DOK6: variants seen among roughly 807,000 people sequenced by gnomAD.
DOK6 encodes the protein downstream of tyrosine kinase 6.
A neutral mutation model predicts 44.0 loss-of-function variants in DOK6; 22 were observed. The observed-to-expected ratio is 0.50, with a 90% CI of 0.36 to 0.71. DOK6 has a LOEUF of 0.71. Among genes scored for constraint, DOK6 ranks in the 30% least tolerant of loss-of-function variants. DOK6 has a pLI of 0.00. For missense variants in DOK6, 340 were observed against 416.4 expected, an observed-to-expected ratio of 0.82 and a Z score of 1.60; for synonymous variants, 166 against 145.5, an observed-to-expected ratio of 1.14 and a Z score of -1.01.
chr18:69,615,227 A>G (rs1984258166), intron 3 of DOK6, among the ~76,000 whole-genome samples: 1 of 152,228 alleles, frequency 6.6e-6, no homozygotes, highest in South Asian at 2.1e-4. Context: ...AGGGTATGAC[A>G]TTAGAAAAAT....
At chr18:69,630,353 A>T (rs1984661738) in intron 3 of DOK6, among the ~76,000 whole-genome samples, 1 of 152,014 alleles carries the variant, frequency 6.6e-6, no homozygotes. Context: ...CCTTGGAATT[A>T]AAAAAAAGGA....
At chr18:69,401,379 GCA>G in intron 1 of DOK6, 69 bp downstream of exon 1, 1 of 1,362,366 alleles carries the variant, frequency 7.3e-7, no homozygotes, top group Non-Finnish European at 9.7e-7. Flanking sequence ...TGGGGGGGGG[GCA>G]GGGAGAGGTG....
intron 3 of DOK6, among the ~76,000 whole-genome samples, chr18:69,646,358 G>A (rs1028374598): frequency 2.6e-5 from 4 of 152,046 alleles, no homozygotes; most frequent in African/African-American, 7.2e-5. Context: ...GCAGTTGCTT[G>A]TTTGAGAGTA....
At chr18:69,524,622 T>C (rs1276195600) in intron 1 of DOK6, among the ~76,000 whole-genome samples, 1 of 151,984 alleles carries the variant, frequency 6.6e-6, no homozygotes, top group Non-Finnish European at 1.5e-5. Context: ...TTCAGACCAT[T>C]CCGAACATTA....
intron 3 of DOK6, among the ~76,000 whole-genome samples, chr18:69,659,468 T>C (rs565595956): frequency 1.3e-5 from 2 of 152,314 alleles, no homozygotes; most frequent in South Asian, 2.1e-4. Context: ...TTCATTCTGT[T>C]TGTATTTAGG....
At chr18:69,455,277 G>A (rs1979603020) in intron 1 of DOK6, among the ~76,000 whole-genome samples, 1 of 152,030 alleles carries the variant, frequency 6.6e-6, no homozygotes, top group Admixed American at 6.6e-5. Flanking sequence ...TAACTAGTAG[G>A]TATGCTTCTA....
intron 3 of DOK6, among the ~76,000 whole-genome samples, chr18:69,646,148 G>A (rs1160543136): frequency 6.6e-6 from 1 of 152,084 alleles, no homozygotes; most frequent in Non-Finnish European, 1.5e-5. Flanking sequence ...ATGTAGATTT[G>A]AGTTCCTTGA....
intron 1 of DOK6, 67 bp downstream of exon 1, chr18:69,401,377 G>A: frequency 1.4e-6 from 2 of 1,420,320 alleles, no homozygotes; most frequent in Non-Finnish European, 1.9e-6. Context: ...CCTGGGGGGG[G>A]GGCAGGGAGA....
At chr18:69,561,890 A>C (rs113345680) in intron 1 of DOK6, among the ~76,000 whole-genome samples, 1,880 of 152,292 alleles carry the variant, frequency 0.012, 44 homozygotes, top group African/African-American at 0.041. Context: ...GCACACTTCA[A>C]AGGAATTATA....
chr18:69,647,783 C>T (rs1360392125), intron 3 of DOK6, among the ~76,000 whole-genome samples: 1 of 152,024 alleles, frequency 6.6e-6, no homozygotes, highest in African/African-American at 2.4e-5. Context: ...AAAATGAAAT[C>T]CCATAGAGCA....
intron 3 of DOK6, among the ~76,000 whole-genome samples, chr18:69,654,659 A>T (rs1464413782): frequency 6.6e-6 from 1 of 152,224 alleles, no homozygotes; most frequent in Non-Finnish European, 1.5e-5. Flanking sequence ...TTGCATAATA[A>T]AAGAATTCCA....
chr18:69,779,846 C>A lies in DOK6; in HGVS notation c.856+21973C>A, dbSNP rs144408518. On this transcript the variant is annotated intron_variant, in intron 7 of 7. Coordinates refer to ENST00000382713, the MANE Select transcript of DOK6 (RefSeq NM_152721.6). ...TATTGATCATGCAACACCTCTGATGCCCTTCAAACCTGGACTTACCCTTTT... is the reference window on the plus strand; with the variant it reads ...TATTGATCATGCAACACCTCTGATGACCTTCAAACCTGGACTTACCCTTTT... Among the ~76,000 whole-genome samples, 273 of 151,954 alleles carry A rather than the reference C, an allele frequency of 1.8e-3. 1 individual carries two copies. Among genetic ancestry groups the A allele is most frequent in the African/African-American group, 6.2e-3 (259 of 41,470 alleles).
intron 7 of DOK6, among the ~76,000 whole-genome samples, chr18:69,760,971 C>T (rs562723364): frequency 6.5e-4 from 75 of 115,096 alleles, no homozygotes; most frequent in African/African-American, 2.7e-3. Flanking sequence ...TACTGGGAAG[C>T]TGCTGATCAG....
intron 2 of DOK6, among the ~76,000 whole-genome samples, chr18:69,582,099 G>A (rs1983384430): frequency 6.6e-6 from 1 of 152,198 alleles, no homozygotes; most frequent in Admixed American, 6.5e-5. Flanking sequence ...GGGTCAGCTA[G>A]TAAAAAATGT....
At chr18:69,644,117 T>C (rs1413264545) in intron 3 of DOK6, among the ~76,000 whole-genome samples, 2 of 152,190 alleles carry the variant, frequency 1.3e-5, no homozygotes, top group East Asian at 1.9e-4. Flanking sequence ...ATTTTTACTA[T>C]TGATGTTGGA....
At position 69,711,919 on chromosome 18, in the gene DOK6, T is replaced by C. The variant is rs972543604; in HGVS notation, c.599+13326T>C. ...TTTTAGGTACTTGTCTTTTTCCTTA[T>C]AGTCACCCTAAAAAACTCAAAATAA... On this transcript the variant is annotated intron_variant, in intron 5 of 7. Coordinates refer to ENST00000382713, the MANE Select transcript of DOK6 (RefSeq NM_152721.6). 4.6e-5 allele frequency among the ~76,000 whole-genome samples: 7 copies of C among 152,300 alleles called. 1 individual carries two copies. The highest frequency in any genetic ancestry group is 4.1e-4 in the South Asian group (2 of 4,826).
chr18:69,775,203 T>C (rs1289739039), intron 7 of DOK6, among the ~76,000 whole-genome samples: 1 of 152,062 alleles, frequency 6.6e-6, no homozygotes, highest in African/African-American at 2.4e-5. Context: ...AATTGATTCA[T>C]CTTTGGAAAA....
At chr18:69,571,785 G>T (rs985541300) in intron 2 of DOK6, among the ~76,000 whole-genome samples, 2 of 151,986 alleles carry the variant, frequency 1.3e-5, no homozygotes, top group Non-Finnish European at 2.9e-5. Flanking sequence ...CTATATTGAA[G>T]ATTTTAACCC....
At chr18:69,718,951 T>A (rs1986943147) in intron 5 of DOK6, among the ~76,000 whole-genome samples, 1 of 152,208 alleles carries the variant, frequency 6.6e-6, no homozygotes, top group Non-Finnish European at 1.5e-5. Flanking sequence ...TTTGGTAGTA[T>A]AATATCACAG....
Sources: allele counts gnomAD v4.1 joint callset (sites outside exome capture counted in the v4.1 genomes callset), GRCh38; gene constraint gnomAD v4.1.1; transcripts MANE v1.5; gene names NCBI Gene and HGNC (gene_info 2026-07-23, HGNC 2026-07-21).